Variants in CAPS2 observed in about 807,000 individuals in gnomAD.
CAPS2 encodes the protein calcyphosin-2.
Under a neutral mutation model 86.5 loss-of-function variants are expected in CAPS2, and 98 were observed. The ratio of observed to expected loss-of-function variants is 1.13; its 90% CI spans 0.96 to 1.34. CAPS2 has a LOEUF of 1.34. CAPS2 is among the 40% of genes most tolerant of loss of function. The pLI is 0.00. For missense variants in CAPS2, 729 were observed against 686.8 expected, an observed-to-expected ratio of 1.06 and a Z score of -0.69; for synonymous variants, 210 against 225.1, an observed-to-expected ratio of 0.93 and a Z score of 0.60.
intron 1 of CAPS2, among the ~76,000 whole-genome samples, chr12:75,341,597 C>A (rs1221220589): frequency 6.6e-6 from 1 of 151,892 alleles, no homozygotes; most frequent in Admixed American, 6.6e-5. Flanking sequence ...CAGGCGCCCG[C>A]CACCACGCCC....
chr12:75,326,542 G>T (rs1205331326), upstream of CAPS2: 11 of 1,133,460 alleles, frequency 9.7e-6, no homozygotes, highest in Non-Finnish European at 1.4e-5. Flanking sequence ...GAAAAAGGTA[G>T]AGTAAATGTT....
intron 1 of CAPS2, among the ~76,000 whole-genome samples, chr12:75,335,301 T>C (rs1212365619): frequency 6.6e-6 from 1 of 152,198 alleles, no homozygotes. Context: ...TCTTGTTCTC[T>C]TACTTATTTT....
chr12:75,287,271 T>C (rs1267983678), intron 14 of CAPS2, among the ~76,000 whole-genome samples: 1 of 151,976 alleles, frequency 6.6e-6, no homozygotes, highest in African/African-American at 2.4e-5. Context: ...TCTTTCACCT[T>C]AAGCTCCTTT....
At chr12:75,312,439 A>G (rs923671118) in intron 7 of CAPS2, among the ~76,000 whole-genome samples, 2 of 152,228 alleles carry the variant, frequency 1.3e-5, no homozygotes, top group African/African-American at 2.4e-5. Flanking sequence ...GTGAAAATCA[A>G]TATGGAATAT....
At chr12:75,315,110 A>T (rs562349063) in intron 6 of CAPS2, among the ~76,000 whole-genome samples, 1 of 152,236 alleles carries the variant, frequency 6.6e-6, no homozygotes, top group Non-Finnish European at 1.5e-5. Flanking sequence ...AGGAGGAGAC[A>T]GTTAAATGAG....
At chr12:75,311,701 A>AAAAAAG in intron 7 of CAPS2, among the ~76,000 whole-genome samples, 1 of 14,018 alleles carries the variant, frequency 7.1e-5, no homozygotes. Flanking sequence ...GCCATGCAGG[A>AAAAAAG]AAAAAAAAAA....
At chr12:75,277,732 G>A in exon 17 of CAPS2, 2 of 831,344 alleles carry the variant, frequency 2.4e-6, no homozygotes, top group South Asian at 5.5e-5. Flanking sequence ...ATTCTACAAA[G>A]TAAATATTTT....
intron 1 of CAPS2, chr12:75,363,198 A>T: frequency 8.0e-7 from 1 of 1,257,572 alleles, no homozygotes; most frequent in Non-Finnish European, 1.1e-6. Flanking sequence ...GCAGTAAGCA[A>T]AAATATATAT....
At chr12:75,297,726 G>T (rs1261714411) in intron 11 of CAPS2, among the ~76,000 whole-genome samples, 1 of 152,094 alleles carries the variant, frequency 6.6e-6, no homozygotes, top group Non-Finnish European at 1.5e-5. Flanking sequence ...CCTCCACCTT[G>T]AACTCTCCTC....
At chr12:75,363,171 A>T (rs746367449) in intron 1 of CAPS2, 6 of 1,536,902 alleles carry the variant, frequency 3.9e-6, no homozygotes, top group Non-Finnish European at 5.2e-6. Context: ...AAGAAGAGAA[A>T]TGTGTAAAGA....
intron 7 of CAPS2, among the ~76,000 whole-genome samples, chr12:75,311,734 A>AAAAC (rs2039240671): frequency 8.6e-6 from 1 of 115,636 alleles, no homozygotes; most frequent in South Asian, 2.7e-4. Context: ...CAAAAAAAAA[A>AAAAC]AAAAAAACCT....
chr12:75,306,169 C>T, intron 7 of CAPS2: 1 of 908,102 alleles, frequency 1.1e-6, no homozygotes, highest in Middle Eastern at 2.4e-4. Flanking sequence ...GCAGAATTAC[C>T]TGAAGTACCG....
chr12:75,307,908 A>G (rs2038698286), intron 7 of CAPS2, among the ~76,000 whole-genome samples: 1 of 152,226 alleles, frequency 6.6e-6, no homozygotes, highest in African/African-American at 2.4e-5. Context: ...TGGAGGCAGG[A>G]AACCTAAGGT....
chr12:75,282,965 A>G (rs902988301), intron 15 of CAPS2, among the ~76,000 whole-genome samples: 3 of 152,180 alleles, frequency 2.0e-5, no homozygotes, highest in Non-Finnish European at 4.4e-5. Flanking sequence ...AGAGATGGGT[A>G]AAAGACCTCT....
At chr12:75,320,909 A>C (rs533538822) in intron 5 of CAPS2, among the ~76,000 whole-genome samples, 1 of 151,984 alleles carries the variant, frequency 6.6e-6, no homozygotes, top group Non-Finnish European at 1.5e-5. Flanking sequence ...ATTACATAAA[A>C]ACATAACAAT....
At chr12:75,311,707 AAAAACAAAAAAAAAAAC>A (rs1336801904) in intron 7 of CAPS2, among the ~76,000 whole-genome samples, 881 of 14,406 alleles carry the variant, frequency 0.061, 61 homozygotes, top group East Asian at 0.13. Context: ...CAGGAAAAAA[AAAAACAAAAAAAAAAAC>A]AAAAAAAAAA....
At chr12:75,303,877 A>G (rs111815732) in intron 8 of CAPS2, among the ~76,000 whole-genome samples, 2,570 of 152,288 alleles carry the variant, frequency 0.017, 68 homozygotes, top group African/African-American at 0.052. Flanking sequence ...GATGCAGCAT[A>G]AGACCAGCTA....
intron 1 of CAPS2, among the ~76,000 whole-genome samples, chr12:75,383,204 T>C (rs1005734541): frequency 2.0e-5 from 3 of 152,218 alleles, no homozygotes; most frequent in African/African-American, 7.2e-5. Context: ...AAGTATATAA[T>C]GGGAGCTGAT....
intron 7 of CAPS2, among the ~76,000 whole-genome samples, chr12:75,312,553 T>G (rs1442523785): frequency 6.6e-6 from 1 of 152,194 alleles, no homozygotes; most frequent in Non-Finnish European, 1.5e-5. Context: ...AAGGATATCT[T>G]CTTTCAATTT....
Sources: allele counts gnomAD v4.1 joint callset (sites outside exome capture counted in the v4.1 genomes callset), GRCh38; gene constraint gnomAD v4.1.1; transcripts MANE v1.5; gene names NCBI Gene and HGNC (gene_info 2026-07-23, HGNC 2026-07-21).